The following GRIA4 variants were observed in gnomAD, a reference collection of about 807,000 sequenced individuals.
GRIA4 encodes the protein glutamate ionotropic receptor AMPA type subunit 4, also known as glutamate receptor 4.
Under a neutral mutation model 104.0 loss-of-function variants are expected in GRIA4, and 34 were observed. The ratio of observed to expected loss-of-function variants is 0.33; its 90% CI spans 0.25 to 0.44. GRIA4 has a LOEUF of 0.44. Among genes scored for constraint, GRIA4 ranks in the 20% least tolerant of loss-of-function variants. The pLI, the probability that GRIA4 is intolerant of heterozygous loss-of-function variation, is 1.00. For missense variants in GRIA4, 750 were observed against 1,096.5 expected (o/e 0.68, Z 4.46); for synonymous variants, 386 against 381.9 (o/e 1.01, Z -0.13).
At chr11:105,971,858 C>A in intron 14 of GRIA4, 56 bp from the exon 15 acceptor site, 1 of 1,154,412 alleles carries the variant, frequency 8.7e-7, no homozygotes, top group Non-Finnish European at 1.3e-6. Context: ...TGTAGTTTTA[C>A]TTGAATAACA....
intron 4 of GRIA4, among the ~76,000 whole-genome samples, chr11:105,767,342 G>A (rs1223373408): frequency 6.6e-6 from 1 of 151,974 alleles, no homozygotes; most frequent in African/African-American, 2.4e-5. Context: ...ACTTGAACAA[G>A]GAAAATACGT....
In GRIA4 at chr11:105,753,258, A is replaced by G. The variant is rs117776930; in HGVS notation, c.487+38A>G. ...TCTTCATCTATTAGAGCAAAACTCT[A>G]ATTTTCAATGTGAAATGGCCTTATA... On this transcript the variant is annotated intron_variant, in intron 4 of 16. Transcript: ENST00000282499. The G allele has an allele frequency of 8.6e-4, 1,376 of 1,599,950 alleles. 24 individuals carry two copies. In the East Asian group the frequency reaches 0.022, roughly 26 times the overall value.
intron 6 of GRIA4, among the ~76,000 whole-genome samples, chr11:105,888,549 G>C (rs1022869240): frequency 2.0e-5 from 3 of 151,760 alleles, no homozygotes; most frequent in African/African-American, 7.3e-5. Flanking sequence ...GCCTCCCAAA[G>C]TGCTGGGATT....
chr11:105,747,808 G>T (rs954727035), intron 3 of GRIA4, among the ~76,000 whole-genome samples: 21 of 151,980 alleles, frequency 1.4e-4, no homozygotes, highest in African/African-American at 5.1e-4. Context: ...CATGAAAATG[G>T]TTATTATAAG....
intron 5 of GRIA4, among the ~76,000 whole-genome samples, chr11:105,878,564 C>G (rs1945922393): frequency 6.6e-6 from 1 of 152,230 alleles, no homozygotes; most frequent in Admixed American, 6.5e-5. Flanking sequence ...GGAGTTTTAC[C>G]TATAAGCTCA....
At chr11:105,815,785 T>G (rs1360257028) in intron 4 of GRIA4, among the ~76,000 whole-genome samples, 1 of 152,200 alleles carries the variant, frequency 6.6e-6, no homozygotes, top group Non-Finnish European at 1.5e-5. Context: ...AATAAATATT[T>G]TAGGAAATCA....
At chr11:105,749,781 A>G (rs761972402) in intron 3 of GRIA4, among the ~76,000 whole-genome samples, 3 of 152,172 alleles carry the variant, frequency 2.0e-5, no homozygotes, top group Non-Finnish European at 4.4e-5. Flanking sequence ...TATATAATAC[A>G]TAATCCAAGT....
At chr11:105,634,244 G>A (rs1951117294) in intron 3 of GRIA4, among the ~76,000 whole-genome samples, 4 of 151,940 alleles carry the variant, frequency 2.6e-5, no homozygotes, top group African/African-American at 9.7e-5. Context: ...CTACTGGGGA[G>A]GCTGAGGCAG....
chr11:105,868,503 C>T (rs938356830), intron 5 of GRIA4, among the ~76,000 whole-genome samples: 2 of 152,022 alleles, frequency 1.3e-5, no homozygotes, highest in Middle Eastern at 3.2e-3. Flanking sequence ...CAACAATTGT[C>T]GAATAAATTG....
At chr11:105,621,666 A>T (rs931139071) in intron 3 of GRIA4, among the ~76,000 whole-genome samples, 17 of 151,952 alleles carry the variant, frequency 1.1e-4, no homozygotes, top group Middle Eastern at 3.4e-3. Flanking sequence ...GATATTACAA[A>T]CTAAACAACA....
At chr11:105,933,032 A>G (rs1374463169) in intron 13 of GRIA4, among the ~76,000 whole-genome samples, 2 of 152,150 alleles carry the variant, frequency 1.3e-5, no homozygotes, top group Admixed American at 1.3e-4. Flanking sequence ...TGAGGTCAAG[A>G]GTTTGAGACC....
intron 14 of GRIA4, among the ~76,000 whole-genome samples, chr11:105,962,709 A>G (rs1293008047): frequency 2.0e-5 from 3 of 152,134 alleles, no homozygotes; most frequent in South Asian, 2.1e-4. Context: ...CCTTGAACCT[A>G]TTTCAGTCTA....
At chr11:105,917,437 A>G (rs886276444) in intron 10 of GRIA4, among the ~76,000 whole-genome samples, 2 of 152,204 alleles carry the variant, frequency 1.3e-5, no homozygotes, top group African/African-American at 4.8e-5. Flanking sequence ...TAAAAACAAA[A>G]TCAGAATTAG....
chr11:105,828,023 C>A (rs2135923835), intron 4 of GRIA4, among the ~76,000 whole-genome samples: 1 of 152,014 alleles, frequency 6.6e-6, no homozygotes. Context: ...GGGAACAGGG[C>A]AGTTTTTTCA....
At chr11:105,913,303 T>C in intron 10 of GRIA4, 1 of 589,930 alleles carries the variant, frequency 1.7e-6, no homozygotes, top group Non-Finnish European at 2.1e-6. Context: ...TTTATGGCTG[T>C]TGAAAGTTAT....
chr11:105,653,500 C>A (rs1489791176), intron 3 of GRIA4, among the ~76,000 whole-genome samples: 1 of 152,166 alleles, frequency 6.6e-6, no homozygotes, highest in Non-Finnish European at 1.5e-5. Flanking sequence ...GACTTCATCA[C>A]ATGGCTAAGA....
intron 3 of GRIA4, among the ~76,000 whole-genome samples, chr11:105,617,043 AT>A (rs1220886391): frequency 2.0e-5 from 3 of 150,142 alleles, no homozygotes; most frequent in Non-Finnish European, 3.0e-5. Context: ...AAAACTCCTA[AT>A]TTTTTTTCAA....
intron 14 of GRIA4, among the ~76,000 whole-genome samples, chr11:105,952,822 C>T (rs1948488319): frequency 6.6e-6 from 1 of 152,150 alleles, no homozygotes; most frequent in South Asian, 2.1e-4. Context: ...TCTGAATTGT[C>T]TTTCCACTTA....
intron 5 of GRIA4, among the ~76,000 whole-genome samples, chr11:105,867,562 A>C (rs981212818): frequency 3.9e-5 from 6 of 152,192 alleles, no homozygotes; most frequent in Non-Finnish European, 7.3e-5. Flanking sequence ...CATTAAAAGG[A>C]GCTGAAGGCT....
Sources: allele counts gnomAD v4.1 joint callset (sites outside exome capture counted in the v4.1 genomes callset), GRCh38; gene constraint gnomAD v4.1.1; transcripts MANE v1.5; gene names NCBI Gene and HGNC (gene_info 2026-07-23, HGNC 2026-07-21).